Variants in DCAF5 observed in about 807,000 individuals in gnomAD.
DCAF5 encodes the protein DDB1 and CUL4 associated factor 5.
A neutral mutation model predicts 80.7 loss-of-function variants in DCAF5; 9 were observed. The ratio of observed to expected loss-of-function variants is 0.11; its 90% CI spans 0.07 to 0.19. The LOEUF is 0.19. Ranked by LOEUF, DCAF5 falls within the 10% of genes least tolerant of loss-of-function variation. The pLI is 1.00. For synonymous variants in DCAF5, 433 were observed against 461.9 expected, an observed-to-expected ratio of 0.94 and a Z score of 0.80; for missense variants, 842 against 1,205.7, an observed-to-expected ratio of 0.70 and a Z score of 4.47.
intron 1 of DCAF5, among the ~76,000 whole-genome samples, chr14:69,143,220 A>T (rs1171667986): frequency 6.6e-6 from 1 of 152,222 alleles, no homozygotes; most frequent in African/African-American, 2.4e-5. Context: ...AATATGAGTG[A>T]TAGCATCAAG....
intron 1 of DCAF5, among the ~76,000 whole-genome samples, chr14:69,138,222 C>A (rs986411714): frequency 6.6e-6 from 1 of 151,978 alleles, no homozygotes; most frequent in African/African-American, 2.4e-5. Context: ...AATTTAGATA[C>A]AAGACTTGAA....
chr14:69,094,301 G>C (rs1412550525), intron 5 of DCAF5, among the ~76,000 whole-genome samples: 1 of 152,134 alleles, frequency 6.6e-6, no homozygotes, highest in Non-Finnish European at 1.5e-5. Flanking sequence ...GTCTGCCCAG[G>C]ACAGGCATGT....
chr14:69,134,227 T>G (rs1342337034), intron 1 of DCAF5, among the ~76,000 whole-genome samples: 3 of 152,184 alleles, frequency 2.0e-5, no homozygotes, highest in Non-Finnish European at 4.4e-5. Context: ...CTTCCTAAAG[T>G]GTGGAACATA....
chr14:69,100,466 CAAAGGTCT>C (rs1017897661), intron 5 of DCAF5, among the ~76,000 whole-genome samples: 2 of 152,174 alleles, frequency 1.3e-5, no homozygotes, highest in African/African-American at 4.8e-5. Context: ...CAAAAATTTT[CAAAGGTCT>C]CTGAAATTCA....
intron 6 of DCAF5, chr14:69,084,392 T>G: frequency 1.1e-6 from 1 of 909,872 alleles, no homozygotes; most frequent in Middle Eastern, 3.4e-4. Context: ...TGATCGTATC[T>G]TGGATGTTGA....
chr14:69,105,945 A>ATC (rs2040142530), intron 5 of DCAF5, among the ~76,000 whole-genome samples: 5 of 66,658 alleles, frequency 7.5e-5, no homozygotes, highest in Non-Finnish European at 1.7e-4. Flanking sequence ...ATATATATAT[A>ATC]TCTCCTATTG....
chr14:69,095,435 A>T (rs2039672096), intron 5 of DCAF5, among the ~76,000 whole-genome samples: 1 of 152,230 alleles, frequency 6.6e-6, no homozygotes, highest in South Asian at 2.1e-4. Flanking sequence ...AGGTGATCCA[A>T]GGTGATCCAA....
Position 69,122,072 on chromosome 14 carries a change from G to A in DCAF5, c.358+145C>T. On this transcript the variant is annotated intron_variant, in intron 2 of 8. Transcript: ENST00000341516. ...CACTATCCTAATATATAATACTGCT[G>A]TAATGCAGAAAAGACAAGCTATGAG... 3 of 956,224 alleles carry A rather than the reference G, an allele frequency of 3.1e-6. No homozygotes were observed. The South Asian group carries it at 5.5e-5, about 18-fold the overall frequency. 59.2% of individuals were successfully genotyped at this position (956,224 alleles called of 1,614,324 possible).
intron 1 of DCAF5, among the ~76,000 whole-genome samples, chr14:69,151,879 G>T (rs1247088709): frequency 6.6e-6 from 1 of 152,170 alleles, no homozygotes; most frequent in Non-Finnish European, 1.5e-5. Flanking sequence ...CCTCGATTTC[G>T]CCACTTTCCC....
chr14:69,054,394 G>GTCC lies in DCAF5; in HGVS notation c.2289_2291dup (p.Gln763_Asp764insGlu). The GTCC allele has an allele frequency of 6.2e-7, 1 of 1,614,076 alleles. No homozygotes were observed. Among genetic ancestry groups the GTCC allele is most frequent in the Non-Finnish European group, 8.5e-7 (1 of 1,180,038 alleles). On this transcript the variant is annotated inframe_insertion, in exon 9 of 9. Transcript: ENST00000341516. ...GCTCTACAGAGCCGCTATTGCCAGTGTCCTGAGAGGTACCCTCTGGCACCT... is the reference window on the plus strand; with the variant it reads ...GCTCTACAGAGCCGCTATTGCCAGTGTCCTCCTGAGAGGTACCCTCTGGCACCT...
chr14:69,054,167 C>T lies in DCAF5; in HGVS notation c.2519G>A (p.Arg840His), dbSNP rs201467372. ...CCCGTTATTGTGAGGGTGAGGGGGA[C>T]GAGGGTGTAAGCGTCCATTGTTGTG... ...ANHNNGRLHP[R>H]PPHPHNNGQN... Residue 840 changes from arginine to histidine, a missense_variant, in exon 9 of 9, where the codon CGT (arginine) becomes CAT (histidine). Physicochemically the swap from Arg to His is conservative, Grantham distance 29 (BLOSUM62 0). This residue lies in a region of DCAF5 where 607 missense variants were observed against 656.6 expected (regional missense o/e 0.92). Transcript: ENST00000341516. 25 of 1,614,064 alleles carry T rather than the reference C, an allele frequency of 1.5e-5. No homozygotes were observed. The highest frequency in any genetic ancestry group is 2.2e-5 in the South Asian group (2 of 91,086).
Position 69,054,892 on chromosome 14 carries a change from C to G in DCAF5, c.1794G>C (p.Lys598Asn), listed in dbSNP as rs1401727217. The G allele has an allele frequency of 6.2e-7, 1 of 1,614,162 alleles. No individual in the cohort carries two copies. Among genetic ancestry groups the G allele is most frequent in the Non-Finnish European group, 8.5e-7 (1 of 1,180,026 alleles). ...RRRQKTTRED[K>N]PSAPIKPTNT... ...TGGTGGGCTTGATTGGGGCACTGGGCTTGTCTTCTCGGGTTGTCTTCTGTC... is the reference window on the plus strand; with the variant it reads ...TGGTGGGCTTGATTGGGGCACTGGGGTTGTCTTCTCGGGTTGTCTTCTGTC... The change falls in exon 9 of 9, where the codon AAG becomes AAC. Residue 598 changes from lysine to asparagine, a missense_variant. Physicochemically the swap from Lys to Asn is moderately conservative, Grantham distance 94. Transcript: ENST00000341516.
chr14:69,117,384 G>A (rs2040574854), intron 4 of DCAF5, among the ~76,000 whole-genome samples: 1 of 152,156 alleles, frequency 6.6e-6, no homozygotes, highest in African/African-American at 2.4e-5. Context: ...AATGTAAAAT[G>A]TTTAGAACAT....
At chr14:69,110,328 G>C (rs1297112702) in intron 5 of DCAF5, among the ~76,000 whole-genome samples, 1 of 141,790 alleles carries the variant, frequency 7.1e-6, no homozygotes, top group African/African-American at 2.6e-5. Context: ...AGAGTGCAGT[G>C]GTGCAATCTC....
chr14:69,095,024 T>A (rs866937595), intron 5 of DCAF5, among the ~76,000 whole-genome samples: 1 of 152,174 alleles, frequency 6.6e-6, no homozygotes, highest in African/African-American at 2.4e-5. Context: ...AAGCTAACCA[T>A]ACAACATGGC....
chr14:69,063,463 A>G (rs966467252), intron 7 of DCAF5, among the ~76,000 whole-genome samples: 1 of 152,208 alleles, frequency 6.6e-6, no homozygotes, highest in Non-Finnish European at 1.5e-5. Context: ...CTAACTGGCA[A>G]AATGTGTTGC....
intron 5 of DCAF5, among the ~76,000 whole-genome samples, chr14:69,107,693 C>CAA (rs2040210809): frequency 6.6e-6 from 1 of 152,344 alleles, no homozygotes; most frequent in Admixed American, 6.5e-5. Flanking sequence ...AGAAACCTTA[C>CAA]ACCTCCTCTA....
intron 6 of DCAF5, chr14:69,084,995 C>T: frequency 7.2e-7 from 1 of 1,385,922 alleles, no homozygotes; most frequent in East Asian, 2.3e-5. Context: ...GTTTTCTTCA[C>T]TACCTGAAAT....
rs114573625 is a variant in DCAF5 at position 69,138,834 on chromosome 14, A to T, written c.214+13931T>A. On this transcript the variant is annotated intron_variant, in intron 1 of 8. Transcript: ENST00000341516. ...AAACAGGACTCCAACCAGATCACTT[A>T]AACATTTCACAACATGAAAGACATT... is the stretch of plus-strand genomic sequence containing the variant. 2.2e-3 allele frequency among the ~76,000 whole-genome samples: 332 copies of T among 152,300 alleles called. 3 individuals carry two copies. The highest frequency in any genetic ancestry group is 7.5e-3 in the African/African-American group (311 of 41,566).
Sources: gnomAD v4.1 joint callset for allele counts (sites outside exome capture counted in the v4.1 genomes callset) on GRCh38, gnomAD v4.1.1 for gene constraint, gnomAD v4.1.1 regional missense constraint, MANE v1.5 for transcripts, NCBI Gene and HGNC (gene_info 2026-07-23, HGNC 2026-07-21) for gene names.